Variants in DACT3 observed in about 807,000 individuals in gnomAD.
DACT3 encodes the protein dapper homolog 3.
DACT3 carries 5 observed loss-of-function variants against 19.6 expected under a neutral mutation model. The observed-to-expected ratio is 0.26, with a 90% CI of 0.13 to 0.54. The LOEUF is 0.54. Among genes scored for constraint, DACT3 ranks in the 20% least tolerant of loss-of-function variants. The probability of loss-of-function intolerance (pLI) is 0.95; values close to 1 mark genes in which losing one functional copy is unlikely to be tolerated. For missense variants in DACT3, 908 were observed against 927.4 expected (o/e 0.98, Z 0.27); for synonymous variants, 454 against 428.1 (o/e 1.06, Z -0.75).
chr19:46,653,087 G>A lies in DACT3; in HGVS notation c.250-12C>T. On this transcript the variant is annotated splice_polypyrimidine_tract_variant and intron_variant, in intron 1 of 3. Transcript: ENST00000391916. Reference sequence around the variant, plus strand: ...CCAGGCAGGGCCTCCTGAAGGCATAGGGAGAGAAGGATGGTCAGAAGGCCC... The same window carrying A: ...CCAGGCAGGGCCTCCTGAAGGCATAAGGAGAGAAGGATGGTCAGAAGGCCC... 1.9e-6 allele frequency: 3 copies of A among 1,550,760 alleles called. No individual in the cohort carries two copies. The highest frequency in any genetic ancestry group is 2.6e-6 in the Non-Finnish European group (3 of 1,146,970).
At chr19:46,653,627 C>T (rs1366446082) in intron 1 of DACT3, among the ~76,000 whole-genome samples, 2 of 151,628 alleles carry the variant, frequency 1.3e-5, no homozygotes, top group African/African-American at 2.4e-5. Flanking sequence ...GATCCCAGCT[C>T]ACTGCAGCCT....
Position 46,649,597 on chromosome 19 carries a change from T to C in DACT3, c.775A>G (p.Arg259Gly). The C allele has an allele frequency of 9.0e-7, 1 of 1,115,342 alleles. No homozygotes were observed. The highest frequency in any genetic ancestry group is 1.1e-6 in the Non-Finnish European group (1 of 910,210). 69.1% of individuals were successfully genotyped at this position (1,115,342 alleles called of 1,614,324 possible). A position where few individuals can be genotyped will look rare whatever the true frequency, so the allele number is the denominator to read the frequency against. Residue 259 changes from arginine (R) to glycine (G), a missense_variant, in exon 4 of 4, where the codon AGG becomes GGG. Arg to Gly is a moderately radical substitution (Grantham distance 125). Transcript: ENST00000391916. The stretch of plus-strand genomic sequence containing the variant: ...TGGCCCGCCCCCCGGCGGCGGCGCC[T>C]GCGCAGGAGCGCCGAGATGTAGCCG... ...LDGYISALLR[R>G]RRRRGAGQPR...
intron 1 of DACT3, chr19:46,659,486 GT>G: frequency 1.9e-5 from 19 of 984,900 alleles, no homozygotes; most frequent in Non-Finnish European, 2.3e-5. Flanking sequence ...CCAGCTTGGG[GT>G]GGGGGGAGCT....
In DACT3 at chr19:46,648,904, C is replaced by CGCG. The variant is rs2122432746; in HGVS notation, c.1465_1467dup (p.Arg489dup). On this transcript the variant is annotated inframe_insertion, in exon 4 of 4. Coordinates refer to ENST00000391916, the MANE Select transcript of DACT3 (RefSeq NM_145056.3). The surrounding 1 kb of genome is among the most constrained non-coding windows in gnomAD (Gnocchi z 5.1). ...CGCGCCGCAGGGGCTCGGGGCCGCA[C>CGCG]GCGGCGCCCATCGGCAGCGTCGATC... 2 of 1,361,790 alleles carry CGCG rather than the reference C, an allele frequency of 1.5e-6. No individual in the cohort carries two copies. Among genetic ancestry groups the CGCG allele is most frequent in the South Asian group, 3.5e-5 (2 of 57,282 alleles). The allele number at this position is 1,361,790 out of a possible 1,614,324, so 84.4% of individuals were successfully genotyped here.
In DACT3 at chr19:46,648,473, T is replaced by C. The variant is rs2122428176; in HGVS notation, c.*9A>G. The C allele has an allele frequency of 6.2e-7, 1 of 1,613,448 alleles. No individual in the cohort carries two copies. Among genetic ancestry groups the C allele is most frequent in the Admixed American group, 1.7e-5 (1 of 59,986 alleles). On this transcript the variant is annotated 3_prime_UTR_variant, in exon 4 of 4. Transcript: ENST00000391916. This position sits in a 1 kb window ranked among gnomAD's most constrained non-coding sequence, Gnocchi z 5.1. ...GCCATGAAGGGGGAGCCCAAGCAAA[T>C]CCCCAAACTCACACTGTAGTCATGA...
In DACT3 at chr19:46,648,450, C is replaced by T. The variant is rs1421200860; in HGVS notation, c.*32G>A. The T allele has an allele frequency of 6.2e-7, 1 of 1,613,568 alleles. No individual in the cohort carries two copies. Reference sequence around the variant, plus strand: ...GTTGGGAGTGTGGAGGTGCAGAGGCCATGAAGGGGGAGCCCAAGCAAATCC... The same window carrying T: ...GTTGGGAGTGTGGAGGTGCAGAGGCTATGAAGGGGGAGCCCAAGCAAATCC... On this transcript the variant is annotated 3_prime_UTR_variant, in exon 4 of 4. Coordinates refer to ENST00000391916, the MANE Select transcript of DACT3 (RefSeq NM_145056.3). The surrounding 1 kb of genome is among the most constrained non-coding windows in gnomAD (Gnocchi z 5.1).
chr19:46,648,179 C>T lies in DACT3; in HGVS notation c.*303G>A, dbSNP rs187734071. ...AACGGGGAAATTCAAACCGAATTAC[C>T]CCTTTTGCATACATGGACACTTACT... On this transcript the variant is annotated 3_prime_UTR_variant, in exon 4 of 4. Coordinates refer to ENST00000391916, the MANE Select transcript of DACT3 (RefSeq NM_145056.3). This position sits in a 1 kb window ranked among gnomAD's most constrained non-coding sequence, Gnocchi z 5.1. 2.6e-4 allele frequency: 90 copies of T among 346,674 alleles called. No individual in the cohort carries two copies. The highest frequency in any genetic ancestry group is 1.9e-3 in the African/African-American group (89 of 46,800). 21.5% of individuals were successfully genotyped at this position (346,674 alleles called of 1,614,324 possible). A position where few individuals can be genotyped will look rare whatever the true frequency, so the allele number is the denominator to read the frequency against.
intron 1 of DACT3, chr19:46,659,349 G>A: frequency 1.1e-6 from 1 of 947,160 alleles, no homozygotes; most frequent in Non-Finnish European, 1.3e-6. Context: ...GGCAGAGATG[G>A]GGAAGGTGAA....
At chr19:46,656,564 T>C (rs924877406) in intron 1 of DACT3, among the ~76,000 whole-genome samples, 3 of 151,852 alleles carry the variant, frequency 2.0e-5, no homozygotes, top group Non-Finnish European at 4.4e-5. Flanking sequence ...TGCATAGGCT[T>C]GTCTCGAACT....
chr19:46,659,340 G>A lies in DACT3; in HGVS notation c.249+1476C>T, dbSNP rs531180052. The A allele has an allele frequency of 3.3e-4, 311 of 942,738 alleles. No homozygotes were observed. In the African/African-American group the frequency reaches 4.9e-3, roughly 15 times the overall value. The allele number at this position is 942,738 out of a possible 1,614,324, so 58.4% of individuals were successfully genotyped here. ...GGACCGAGGAGAGGGAGACTGAAGG[G>A]CAGAGATGGGGAAGGTGAAGGGTGA... is the stretch of plus-strand genomic sequence containing the variant. On this transcript the variant is annotated intron_variant, in intron 1 of 3. Coordinates refer to ENST00000391916, the MANE Select transcript of DACT3 (RefSeq NM_145056.3).
intron 1 of DACT3, among the ~76,000 whole-genome samples, chr19:46,653,539 TTTTATTTATTTA>T (rs113003822): frequency 7.1e-6 from 1 of 141,152 alleles, no homozygotes. Flanking sequence ...CTTTTTTTAT[TTTTATTTATTTA>T]TTTATTTATT....
rs1394099679 is a variant in DACT3 at position 46,649,502 on chromosome 19, G to T, written c.870C>A (p.Pro290=). ...RRQNSVRQRP[P]DASPSPGSAR... ...CGCTGCCGGGGGACGGAGACGCGTC[G>T]GGCGGCCGCTGGCGCACGCTGTTCT... Residue 290 remains proline (P), a synonymous_variant, in exon 4 of 4, where the codon CCC becomes CCA. Coordinates refer to ENST00000391916, the MANE Select transcript of DACT3 (RefSeq NM_145056.3). The T allele has an allele frequency of 9.0e-7, 1 of 1,105,056 alleles. No individual in the cohort carries two copies. Among genetic ancestry groups the T allele is most frequent in the Non-Finnish European group, 1.1e-6 (1 of 909,070 alleles). The allele number at this position is 1,105,056 out of a possible 1,614,324, so 68.5% of individuals were successfully genotyped here.
At position 46,661,110 on chromosome 19, in the gene DACT3, C is replaced by G. The variant is rs1439617842; in HGVS notation, c.-46G>C. 3 of 1,367,158 alleles carry G rather than the reference C, an allele frequency of 2.2e-6. No individual in the cohort carries two copies. In the African/African-American group the frequency reaches 4.6e-5, roughly 21 times the overall value. 84.7% of individuals were successfully genotyped at this position (1,367,158 alleles called of 1,614,324 possible). A position where few individuals can be genotyped will look rare whatever the true frequency, so the allele number is the denominator to read the frequency against. Reference sequence around the variant, plus strand: ...GCCCGGCCGGGCCCCGCGGCCACCCCTCTCCCGGTCCCACCTCCCCGCCCC... The same window carrying G: ...GCCCGGCCGGGCCCCGCGGCCACCCGTCTCCCGGTCCCACCTCCCCGCCCC... On this transcript the variant is annotated 5_prime_UTR_variant, in exon 1 of 4. Transcript: ENST00000391916.
Position 46,660,678 on chromosome 19 carries a change from G to T in DACT3, c.249+138C>A. The T allele has an allele frequency of 7.3e-7, 1 of 1,372,200 alleles. No individual in the cohort carries two copies. The highest frequency in any genetic ancestry group is 9.4e-7 in the Non-Finnish European group (1 of 1,066,772). 85.0% of individuals were successfully genotyped at this position (1,372,200 alleles called of 1,614,324 possible). A position where few individuals can be genotyped will look rare whatever the true frequency, so the allele number is the denominator to read the frequency against. On this transcript the variant is annotated intron_variant, in intron 1 of 3. Transcript: ENST00000391916. This position sits in a 1 kb window ranked among gnomAD's most constrained non-coding sequence, Gnocchi z 4.9. ...GTCCGGCCCGCCGCCGGAACTCCGG[G>T]GTCGCCAGCCCCACCCCCTGTCCTT... is the stretch of plus-strand genomic sequence containing the variant.
chr19:46,652,847 G>A lies in DACT3; in HGVS notation c.347-35C>T, dbSNP rs763781867. On this transcript the variant is annotated intron_variant, in intron 2 of 3. Coordinates refer to ENST00000391916, the MANE Select transcript of DACT3 (RefSeq NM_145056.3). ...CAGGAGAAGCAGAGAGACTTCAGGG[G>A]GTTTGGGTGGGAAAACCAGAGCTGG... 5.5e-5 allele frequency: 85 copies of A among 1,543,520 alleles called. No individual in the cohort carries two copies. In the South Asian group the frequency reaches 9.7e-4, roughly 18 times the overall value.
intron 1 of DACT3, chr19:46,659,661 C>G (rs2122485008): frequency 6.5e-6 from 1 of 154,106 alleles, no homozygotes; most frequent in South Asian, 2.1e-4. Context: ...TCCCCACTCC[C>G]CATCTGGGGA....
chr19:46,653,698 C>T (rs1184924416), intron 1 of DACT3, among the ~76,000 whole-genome samples: 2 of 151,950 alleles, frequency 1.3e-5, no homozygotes, highest in Non-Finnish European at 2.9e-5. Flanking sequence ...GGATTACAGG[C>T]GCCCGCCACC....
chr19:46,654,350 G>A (rs916350556), intron 1 of DACT3: 2 of 548,048 alleles, frequency 3.6e-6, no homozygotes, highest in African/African-American at 4.1e-5. Flanking sequence ...GCGGGGCGTG[G>A]TGGTTTGCGC....
Position 46,660,192 on chromosome 19 carries a change from G to A in DACT3, c.249+624C>T, listed in dbSNP as rs931435791. Among the ~76,000 whole-genome samples the A allele has an allele frequency of 6.6e-6, 1 of 152,200 alleles. No individual in the cohort carries two copies. The highest frequency in any genetic ancestry group is 2.4e-5 in the African/African-American group (1 of 41,444). On this transcript the variant is annotated intron_variant, in intron 1 of 3. Transcript: ENST00000391916. This position sits in a 1 kb window ranked among gnomAD's most constrained non-coding sequence, Gnocchi z 4.9. ...GAGCTGGGGCCAGGTAGGAAGCAGG[G>A]GAAGTGTCACCAAAGGGTCAAGATC...
Sources: gnomAD v4.1 joint callset for allele counts (sites outside exome capture counted in the v4.1 genomes callset) on GRCh38, gnomAD v4.1.1 for gene constraint, Gnocchi (gnomAD v3.1) non-coding constraint, MANE v1.5 for transcripts, NCBI Gene and HGNC (gene_info 2026-07-23, HGNC 2026-07-21) for gene names.